CACNA2D1: variants seen among roughly 807,000 people sequenced by gnomAD.
CACNA2D1 encodes the protein voltage-dependent calcium channel subunit alpha-2/delta-1.
A neutral mutation model predicts 171.5 loss-of-function variants in CACNA2D1; 53 were observed. The observed-to-expected ratio is 0.31, with a 90% CI of 0.25 to 0.39. The LOEUF (loss-of-function observed/expected upper bound fraction) is 0.39, where lower values mean the gene tolerates loss of function less well. CACNA2D1 is among the 10% of genes least tolerant of loss of function. The pLI is 1.00. For missense variants in CACNA2D1, 903 were observed against 1,299.8 expected, an observed-to-expected ratio of 0.69 and a Z score of 4.69; for synonymous variants, 442 against 443.1, an observed-to-expected ratio of 1.00 and a Z score of 0.03.
chr7:82,224,056 C>G (rs1802076309), intron 3 of CACNA2D1, among the ~76,000 whole-genome samples: 1 of 152,130 alleles, frequency 6.6e-6, no homozygotes, highest in Admixed American at 6.6e-5. Flanking sequence ...TTACTTTAGG[C>G]CTCTGCTCAC....
chr7:82,231,108 G>A lies in CACNA2D1; in HGVS notation c.295-60499C>T, dbSNP rs191215247. Among the ~76,000 whole-genome samples, 302 of 152,244 alleles carry A rather than the reference G, an allele frequency of 2.0e-3. 1 individual carries two copies. The highest frequency in any genetic ancestry group is 6.9e-3 in the African/African-American group (285 of 41,538). On this transcript the variant is annotated intron_variant, in intron 3 of 38. Transcript: ENST00000356860. ...AAAATTCATTAAATCAGACTTCCTC[G>A]CCCTTCCTTTTGTTGTTTGTGCTTC...
At chr7:82,176,756 G>C (rs4732431) in intron 3 of CACNA2D1, among the ~76,000 whole-genome samples, 51,607 of 151,332 alleles carry the variant, frequency 0.34, 10,579 homozygotes, top group Non-Finnish European at 0.46. Context: ...ACTAAGGCTC[G>C]TTATATGCAA....
chr7:82,432,363 G>T (rs996990574), intron 1 of CACNA2D1, among the ~76,000 whole-genome samples: 1 of 152,230 alleles, frequency 6.6e-6, no homozygotes, highest in African/African-American at 2.4e-5. Context: ...ACTGGCATTT[G>T]CAATCCTAAC....
intron 3 of CACNA2D1, among the ~76,000 whole-genome samples, chr7:82,228,487 G>A (rs578083206): frequency 3.9e-5 from 6 of 152,118 alleles, no homozygotes; most frequent in African/African-American, 1.4e-4. Context: ...TTCAATCCAA[G>A]GTTAGATCAC....
chr7:82,291,934 A>G (rs1020177338), intron 3 of CACNA2D1, among the ~76,000 whole-genome samples: 3 of 151,984 alleles, frequency 2.0e-5, no homozygotes, highest in African/African-American at 4.8e-5. Flanking sequence ...ATCAAAATAC[A>G]TATTTATTTT....
intron 3 of CACNA2D1, among the ~76,000 whole-genome samples, chr7:82,226,370 C>T (rs956736336): frequency 1.3e-5 from 2 of 152,160 alleles, no homozygotes; most frequent in Admixed American, 1.3e-4. Context: ...AAATATTGAA[C>T]TGGAGCTGCA....
chr7:81,989,892 T>C lies in CACNA2D1; in HGVS notation c.1796+1293A>G, dbSNP rs114301570. Among the ~76,000 whole-genome samples the C allele has an allele frequency of 8.4e-3, 1,275 of 152,168 alleles. 14 individuals are homozygous for C. The highest frequency in any genetic ancestry group is 0.029 in the African/African-American group (1,188 of 41,516). On this transcript the variant is annotated intron_variant, in intron 21 of 38. Transcript: ENST00000356860. ...CAAGACAGCAAAAAGGGAGAAGGGA[T>C]TGATGGATTTCATGTCTTGAGTCAA...
At chr7:82,054,026 TAAC>T (rs1326757858) in intron 10 of CACNA2D1, among the ~76,000 whole-genome samples, 1 of 152,188 alleles carries the variant, frequency 6.6e-6, no homozygotes, top group Non-Finnish European at 1.5e-5. Context: ...AGAAATTAGT[TAAC>T]AATTTTCTTC....
chr7:82,105,078 G>A (rs919920264), intron 6 of CACNA2D1, among the ~76,000 whole-genome samples: 3 of 151,632 alleles, frequency 2.0e-5, no homozygotes, highest in Admixed American at 2.0e-4. Flanking sequence ...GAAAAACACT[G>A]TCTTATTCTT....
intron 3 of CACNA2D1, among the ~76,000 whole-genome samples, chr7:82,217,943 T>C (rs1013386484): frequency 6.9e-6 from 1 of 144,676 alleles, no homozygotes; most frequent in Non-Finnish European, 1.5e-5. Flanking sequence ...ATTTATATTT[T>C]TATTTTTTTG....
At chr7:82,343,008 C>G (rs183333049) in intron 2 of CACNA2D1, 215 of 152,298 alleles carry the variant, frequency 1.4e-3, no homozygotes, top group African/African-American at 4.6e-3. Flanking sequence ...TTACTACAAA[C>G]ACAATCCAAA....
At chr7:82,111,597 G>A (rs1368380990) in intron 6 of CACNA2D1, among the ~76,000 whole-genome samples, 2 of 151,016 alleles carry the variant, frequency 1.3e-5, no homozygotes, top group Non-Finnish European at 3.0e-5. Context: ...ATAGGCGCAT[G>A]CCAGCACCCA....
At chr7:82,018,221 C>G (rs562172631) in intron 12 of CACNA2D1, among the ~76,000 whole-genome samples, 1 of 152,208 alleles carries the variant, frequency 6.6e-6, no homozygotes, top group East Asian at 1.9e-4. Flanking sequence ...ATTGAATAAA[C>G]GTTGGATTGG....
intron 4 of CACNA2D1, among the ~76,000 whole-genome samples, chr7:82,145,955 T>C (rs375042192): frequency 6.6e-6 from 1 of 152,080 alleles, no homozygotes; most frequent in Non-Finnish European, 1.5e-5. Context: ...TTTTGCCACA[T>C]ATCACTTTAC....
intron 31 of CACNA2D1, 80 bp downstream of exon 31, chr7:81,967,089 A>G: frequency 3.9e-6 from 4 of 1,019,790 alleles, no homozygotes; most frequent in Admixed American, 2.2e-5. Flanking sequence ...ATTCCTGCAT[A>G]TTTTTTCATC....
Position 82,266,897 on chromosome 7 carries a change from A to G in CACNA2D1, c.294+68238T>C, listed in dbSNP as rs138936198. On this transcript the variant is annotated intron_variant, in intron 3 of 38. Coordinates refer to ENST00000356860, the MANE Select transcript of CACNA2D1 (RefSeq NM_000722.4). ...TAAGAAGAACTGTACTACCTTAAAG[A>G]AAGCCGAATCTAAAAAGTATTTGAT... 7.2e-5 allele frequency among the ~76,000 whole-genome samples: 11 copies of G among 152,338 alleles called. No homozygotes were observed. The East Asian group carries it at 1.9e-3, about 27-fold the overall frequency.
intron 31 of CACNA2D1, 53 bp downstream of exon 31, chr7:81,967,116 G>T: frequency 7.4e-7 from 1 of 1,353,058 alleles, no homozygotes; most frequent in Non-Finnish European, 1.1e-6. Flanking sequence ...GTCTTAGCAA[G>T]AGTAACACAA....
At chr7:82,048,273 A>T (rs574041246) in intron 10 of CACNA2D1, among the ~76,000 whole-genome samples, 1 of 150,938 alleles carries the variant, frequency 6.6e-6, no homozygotes, top group African/African-American at 2.5e-5. Context: ...TGACAAAAAG[A>T]TAGGTAAAGA....
Position 82,102,449 on chromosome 7 carries a change from G to A in CACNA2D1, c.526+14595C>T, listed in dbSNP as rs950534595. ...AATACCATATTTGTTGTGTGTATTT[G>A]AGATATATATATACACATGCATATA... On this transcript the variant is annotated intron_variant, in intron 6 of 38. Transcript: ENST00000356860. Among the ~76,000 whole-genome samples the A allele has an allele frequency of 5.3e-5, 8 of 151,854 alleles. No individual in the cohort carries two copies. In the South Asian group the frequency reaches 1.7e-3, roughly 32 times the overall value.
Sources: allele counts gnomAD v4.1 joint callset (sites outside exome capture counted in the v4.1 genomes callset), GRCh38; gene constraint gnomAD v4.1.1; transcripts MANE v1.5; gene names NCBI Gene and HGNC (gene_info 2026-07-23, HGNC 2026-07-21).